The following NTRK3 variants were observed in gnomAD, a reference collection of about 807,000 sequenced individuals.
The protein encoded by NTRK3 is NT-3 growth factor receptor.
Under a neutral mutation model 91.7 loss-of-function variants are expected in NTRK3, and 24 were observed. The observed-to-expected ratio is 0.26, with a 90% CI of 0.19 to 0.37. The LOEUF (loss-of-function observed/expected upper bound fraction) is 0.37, where lower values mean the gene tolerates loss of function less well. NTRK3 is among the 10% of genes least tolerant of loss of function. The probability of loss-of-function intolerance (pLI) is 1.00; values close to 1 mark genes in which losing one functional copy is unlikely to be tolerated. For missense variants in NTRK3, 880 were observed against 1,068.9 expected, an observed-to-expected ratio of 0.82 and a Z score of 2.46; for synonymous variants, 483 against 404.0, an observed-to-expected ratio of 1.20 and a Z score of -2.34.
At position 88,202,004 on chromosome 15, in the gene NTRK3, A is replaced by C. The variant is rs560603098; in HGVS notation, c.249-17705T>G. Among the ~76,000 whole-genome samples the C allele has an allele frequency of 9.6e-4, 144 of 149,402 alleles. No individual in the cohort carries two copies. In the South Asian group the frequency reaches 0.023, roughly 24 times the overall value. ...GATGGTGCCCTTCCAACAGGTCTGG[A>C]TTCCTAAAAAAAAAAGACTACATCA... On this transcript the variant is annotated intron_variant, in intron 3 of 18. Coordinates refer to ENST00000394480, the Ensembl canonical transcript of NTRK3.
At chr15:88,151,080 C>A (rs2043332197) in intron 5 of NTRK3, among the ~76,000 whole-genome samples, 2 of 152,170 alleles carry the variant, frequency 1.3e-5, no homozygotes, top group African/African-American at 4.8e-5. Flanking sequence ...GATCCATTAT[C>A]ACCCGTCTCT....
intron 14 of NTRK3, among the ~76,000 whole-genome samples, chr15:88,026,742 A>C (rs1457966939): frequency 4.6e-5 from 7 of 152,244 alleles, no homozygotes; most frequent in African/African-American, 1.7e-4. Context: ...GGGGACTTAA[A>C]GGAAATATGT....
In NTRK3 at chr15:87,985,126, A is replaced by G. The variant is rs1050295170; in HGVS notation, c.1586-44373T>C. On this transcript the variant is annotated intron_variant, in intron 14 of 18. Transcript: ENST00000394480. The stretch of plus-strand genomic sequence containing the variant: ...CTGGAAACCTACAGCAGAGGGACAA[A>G]CCTATCTCAGAAGGGGGAGACAGCT... Among the ~76,000 whole-genome samples, 3 of 152,186 alleles carry G rather than the reference A, an allele frequency of 2.0e-5. No homozygotes were observed. The East Asian group carries it at 5.8e-4, about 29-fold the overall frequency.
intron 14 of NTRK3, among the ~76,000 whole-genome samples, chr15:88,011,866 T>G (rs2076905941): frequency 1.3e-5 from 2 of 152,228 alleles, no homozygotes; most frequent in Non-Finnish European, 2.9e-5. Context: ...TAAGGCAGAC[T>G]ATGGTAATAG....
At chr15:87,922,508 G>T (rs1248642118) in intron 17 of NTRK3, among the ~76,000 whole-genome samples, 1 of 152,104 alleles carries the variant, frequency 6.6e-6, no homozygotes, top group Non-Finnish European at 1.5e-5. Flanking sequence ...TTTCAGTAAA[G>T]TCAATGGGCC....
At chr15:88,153,997 T>C (rs945220623) in intron 5 of NTRK3, among the ~76,000 whole-genome samples, 9 of 151,764 alleles carry the variant, frequency 5.9e-5, no homozygotes. Flanking sequence ...CAGGATTCTT[T>C]TGATTTTGCT....
At chr15:88,099,860 G>A (rs1016254694) in intron 13 of NTRK3, among the ~76,000 whole-genome samples, 5 of 152,078 alleles carry the variant, frequency 3.3e-5, no homozygotes, top group African/African-American at 7.2e-5. Context: ...AGAGATAACC[G>A]ACAGCATGGA....
chr15:87,940,709 G>C (rs2142019119), exon 15 of NTRK3: 1 of 1,614,150 alleles, frequency 6.2e-7, no homozygotes, highest in Non-Finnish European at 8.5e-7. Flanking sequence ...CCCTCACCCA[G>C]TTCTCGCTTC....
chr15:88,113,163 C>G (rs1196832763), intron 13 of NTRK3, among the ~76,000 whole-genome samples: 2 of 152,144 alleles, frequency 1.3e-5, no homozygotes, highest in African/African-American at 4.8e-5. Flanking sequence ...GGTATAGCTA[C>G]TATGCAGGGC....
chr15:88,086,614 T>G (rs917858882), intron 13 of NTRK3, among the ~76,000 whole-genome samples: 1 of 152,194 alleles, frequency 6.6e-6, no homozygotes, highest in African/African-American at 2.4e-5. Flanking sequence ...TAAATTTGGT[T>G]GCACATTAGA....
chr15:88,096,316 C>A (rs1000892013), intron 13 of NTRK3, among the ~76,000 whole-genome samples: 3 of 152,120 alleles, frequency 2.0e-5, no homozygotes, highest in Non-Finnish European at 4.4e-5. Context: ...GCCTGGTTAG[C>A]CAGAATCAGT....
At chr15:88,247,673 G>C (rs904638817) in intron 3 of NTRK3, among the ~76,000 whole-genome samples, 4 of 152,178 alleles carry the variant, frequency 2.6e-5, no homozygotes, top group African/African-American at 9.6e-5. Context: ...GCCAGTGGCT[G>C]AGCGATCATG....
At chr15:88,228,312 T>C (rs2050861213) in intron 3 of NTRK3, among the ~76,000 whole-genome samples, 1 of 152,086 alleles carries the variant, frequency 6.6e-6, no homozygotes, top group Non-Finnish European at 1.5e-5. Context: ...CATCCCTCCA[T>C]CTGGAGAGAT....
At chr15:88,245,755 A>G (rs1375524381) in intron 3 of NTRK3, among the ~76,000 whole-genome samples, 2 of 152,170 alleles carry the variant, frequency 1.3e-5, no homozygotes, top group African/African-American at 4.8e-5. Flanking sequence ...CCTTATGTTT[A>G]TTATTTTCAT....
chr15:88,156,095 G>A (rs2043873652), intron 5 of NTRK3, among the ~76,000 whole-genome samples: 1 of 152,200 alleles, frequency 6.6e-6, no homozygotes, highest in Admixed American at 6.5e-5. Context: ...CCAAAGGAAT[G>A]TCAGGTTTTC....
chr15:88,031,596 A>C (rs1247151690), intron 14 of NTRK3, among the ~76,000 whole-genome samples: 1 of 152,214 alleles, frequency 6.6e-6, no homozygotes, highest in Non-Finnish European at 1.5e-5. Flanking sequence ...GACAGGGAGC[A>C]TCTGATACAC....
rs79077233 is a variant in NTRK3 at position 88,129,311 on chromosome 15, T to C, written c.1205-577A>G. Reference sequence around the variant, plus strand: ...AATGAAAGCTAATCCTTATTGCACATTGATTATAAGCGAGGGATGGTGTTA... The same window carrying C: ...AATGAAAGCTAATCCTTATTGCACACTGATTATAAGCGAGGGATGGTGTTA... On this transcript the variant is annotated intron_variant, in intron 10 of 18. Transcript: ENST00000394480. Among the ~76,000 whole-genome samples the C allele has an allele frequency of 6.9e-3, 1,051 of 152,310 alleles. 56 individuals carry two copies. In the East Asian group the frequency reaches 0.14, roughly 20 times the overall value.
chr15:88,061,213 T>G (rs904757189), intron 13 of NTRK3, among the ~76,000 whole-genome samples: 1 of 152,232 alleles, frequency 6.6e-6, no homozygotes. Flanking sequence ...AGAGATGCTT[T>G]TAATAAAGGT....
At position 88,128,676 on chromosome 15, in the gene NTRK3, A is replaced by C. The variant is rs372429301; in HGVS notation, c.1228+35T>G. The C allele has an allele frequency of 1.7e-5, 27 of 1,609,384 alleles. 1 individual carries two copies. The South Asian group carries it at 2.6e-4, about 16-fold the overall frequency. ...AATAGTTACCGATAGTATCAGAATA[A>C]ATCAGTTTCAAAGCAACAGGTAAAG... On this transcript the variant is annotated intron_variant, in intron 11 of 18. Coordinates refer to ENST00000394480, the Ensembl canonical transcript of NTRK3.
Sources: gnomAD v4.1 joint callset for allele counts (sites outside exome capture counted in the v4.1 genomes callset) on GRCh38, gnomAD v4.1.1 for gene constraint, MANE v1.5 for transcripts, NCBI Gene and HGNC (gene_info 2026-07-23, HGNC 2026-07-21) for gene names.